Variants in BAIAP3 observed in about 807,000 individuals in gnomAD.
BAIAP3 encodes BAI1-associated protein 3.
In BAIAP3, 180 loss-of-function variants were observed where a neutral mutation model predicts 149.7. The ratio of observed to expected loss-of-function variants is 1.20; its 90% CI spans 1.07 to 1.36. The LOEUF is 1.36. Among genes scored for constraint, BAIAP3 ranks in the 40% most tolerant of loss-of-function variants. BAIAP3 has a pLI of 0.00. For missense variants in BAIAP3, 1,767 were observed against 1,563.4 expected (o/e 1.13, Z -2.20); for synonymous variants, 845 against 670.7 (o/e 1.26, Z -4.02).
At chr16:1,334,673 G>C in intron 1 of BAIAP3, 2 of 1,552,526 alleles carry the variant, frequency 1.3e-6, no homozygotes, top group Non-Finnish European at 1.7e-6. Flanking sequence ...TGAGACCCCG[G>C]GGAGCAGCGT....
In BAIAP3 at chr16:1,346,025, C is replaced by T. The variant is rs143578932; in HGVS notation, c.2248C>T (p.Arg750Trp). The change falls in exon 24 of 34, where the codon CGG (arginine) becomes TGG (tryptophan). Residue 750 changes from arginine to tryptophan, a missense_variant. Physicochemically the swap from Arg to Trp is moderately radical, Grantham distance 101 (BLOSUM62 -3). Coordinates refer to ENST00000426824, the MANE Select transcript of BAIAP3 (RefSeq NM_001199097.2). ...CACCCTCTTCTATACGGAGCTGCTT[C>T]GGAAGAAGGTGGACACTCAGCCAGG... ...EATLFYTELL[R>W]KKVDTQPGAA... 30 of 1,611,330 alleles carry T rather than the reference C, an allele frequency of 1.9e-5. No individual in the cohort carries two copies. In the Admixed American group the frequency reaches 2.3e-4, roughly 13 times the overall value.
chr16:1,339,872 GACAC>G (rs772780964), intron 5 of BAIAP3, among the ~76,000 whole-genome samples: 1 of 119,724 alleles, frequency 8.4e-6, no homozygotes, highest in African/African-American at 3.3e-5. Flanking sequence ...GGTGCACACA[GACAC>G]ACGCACACAG....
chr16:1,346,949 G>C lies in BAIAP3; in HGVS notation c.2745G>C (p.Thr915=). The change falls in exon 28 of 34, where the codon ACG becomes ACC. Residue 915 remains threonine (T), a synonymous_variant. Transcript: ENST00000426824. ...ATTTCTACAGCCGCTTCCATTTCAC[G>C]CTGGAGGTAGAGCTCTGTGAAGGAG... is the stretch of plus-strand genomic sequence containing the variant. ...SADFYSRFHF[T]LEALVSFFHA... 2 of 1,607,680 alleles carry C rather than the reference G, an allele frequency of 1.2e-6. No homozygotes were observed. Among genetic ancestry groups the C allele is most frequent in the South Asian group, 2.2e-5 (2 of 90,378 alleles).
chr16:1,334,170 C>T (rs2033307116), intron 1 of BAIAP3, among the ~76,000 whole-genome samples: 1 of 152,018 alleles, frequency 6.6e-6, no homozygotes, highest in African/African-American at 2.4e-5. Flanking sequence ...CTGCACCCCC[C>T]AGCGTCCTCG....
intron 5 of BAIAP3, among the ~76,000 whole-genome samples, chr16:1,340,651 C>T (rs569716324): frequency 1.3e-5 from 2 of 152,324 alleles, no homozygotes; most frequent in East Asian, 1.9e-4. Context: ...CTCCCGGCTT[C>T]CACCTGCATG....
chr16:1,346,803 G>A lies in BAIAP3; in HGVS notation c.2643-44G>A. The A allele has an allele frequency of 5.0e-5, 19 of 377,236 alleles. 1 individual carries two copies. The highest frequency in any genetic ancestry group is 5.9e-5 in the Non-Finnish European group (15 of 252,344). 23.4% of individuals were successfully genotyped at this position (377,236 alleles called of 1,614,324 possible). A position where few individuals can be genotyped will look rare whatever the true frequency, so the allele number is the denominator to read the frequency against. On this transcript the variant is annotated intron_variant, in intron 27 of 33. Transcript: ENST00000426824. ...AGGCCATTCTGCAGGTGGGGCCAGCGGGGCAGGTGGGGCTGGCCCGTGGTC... is the reference window on the plus strand; with the variant it reads ...AGGCCATTCTGCAGGTGGGGCCAGCAGGGCAGGTGGGGCTGGCCCGTGGTC...
Position 1,345,769 on chromosome 16 carries a change from C to G in BAIAP3, c.2087C>G (p.Ser696Cys). 1 of 1,556,098 alleles carries G rather than the reference C, an allele frequency of 6.4e-7. No individual in the cohort carries two copies. Among genetic ancestry groups the G allele is most frequent in the Non-Finnish European group, 8.6e-7 (1 of 1,157,474 alleles). Residue 696 changes from serine (S) to cysteine (C), a missense_variant, in exon 23 of 34, where the codon TCC becomes TGC. Transcript: ENST00000426824. ...TAGCTGGAGCCCGTGGACGCCTCCT[C>G]CAGGCACAGCAGCTCCGCAGCCACT... is the stretch of plus-strand genomic sequence containing the variant. Reference protein sequence around the residue: ...MDTLEPVDASSRHSSSAATAG... With the variant: ...MDTLEPVDASCRHSSSAATAG...
Position 1,334,907 on chromosome 16 carries a change from C to T in BAIAP3, c.-11+1158C>T, listed in dbSNP as rs9935863. On this transcript the variant is annotated intron_variant, in intron 1 of 33. Coordinates refer to ENST00000426824, the MANE Select transcript of BAIAP3 (RefSeq NM_001199097.2). ...GTGGGGCAGATGTCCTGCCACCTCC[C>T]GCCCCAGGCACACACCCAGGGCACC... The T allele has an allele frequency of 0.025, 18,475 of 734,814 alleles. 2,434 individuals are homozygous for T. In the African/African-American group the frequency reaches 0.29, roughly 11 times the overall value. The allele number at this position is 734,814 out of a possible 1,614,324, so 45.5% of individuals were successfully genotyped here. A position where few individuals can be genotyped will look rare whatever the true frequency, so the allele number is the denominator to read the frequency against.
chr16:1,336,433 G>T, intron 1 of BAIAP3: 1 of 969,830 alleles, frequency 1.0e-6, no homozygotes, highest in African/African-American at 1.8e-5. Flanking sequence ...CCTCTCACAG[G>T]GTGGGAGACG....
At position 1,341,527 on chromosome 16, in the gene BAIAP3, C is replaced by T. The variant is rs763752240; in HGVS notation, c.731+38C>T. On this transcript the variant is annotated intron_variant, in intron 8 of 33. Transcript: ENST00000426824. ...CCCGTCTGGGTGCGGGAGGGGGGCT[C>T]TGCCTGGGGTCCAGAGCTGGGCTGT... The T allele has an allele frequency of 5.1e-6, 8 of 1,583,996 alleles. No individual in the cohort carries two copies. The African/African-American group carries it at 5.4e-5, about 11-fold the overall frequency.
intron 14 of BAIAP3, 67 bp downstream of exon 14, chr16:1,343,083 C>CCA: frequency 6.9e-7 from 1 of 1,454,256 alleles, no homozygotes; most frequent in Non-Finnish European, 9.4e-7. Context: ...GCATCGGGGG[C>CCA]CATGCGGTGA....
At position 1,344,630 on chromosome 16, in the gene BAIAP3, T is replaced by C; in HGVS notation, c.1689T>C (p.Val563=). The C allele has an allele frequency of 6.2e-7, 1 of 1,613,352 alleles. No homozygotes were observed. The highest frequency in any genetic ancestry group is 2.2e-5 in the East Asian group (1 of 44,870). Reference sequence around the variant, plus strand: ...GACCACAGCGCCTGCCTGGGCTGGTTGTGCTGGCTGACGCCGTCTATGATG... The same window carrying C: ...GACCACAGCGCCTGCCTGGGCTGGTCGTGCTGGCTGACGCCGTCTATGATG... ...QPGPQRLPGL[V]VLADAVYDDL... Residue 563 remains valine, a synonymous_variant, in exon 19 of 34, where the codon GTT becomes GTC. Transcript: ENST00000426824.
chr16:1,339,789 C>T (rs2033736291), intron 5 of BAIAP3, among the ~76,000 whole-genome samples, 186 bp downstream of exon 5: 1 of 146,590 alleles, frequency 6.8e-6, no homozygotes, highest in African/African-American at 2.6e-5. Context: ...CAGACACACG[C>T]ACACAGGCTG....
At chr16:1,339,077 C>T (rs1441756914) in intron 3 of BAIAP3, 87 bp from the exon 4 acceptor site, 7 of 1,597,786 alleles carry the variant, frequency 4.4e-6, no homozygotes, top group African/African-American at 1.3e-5. Context: ...CCCTCGCTCC[C>T]ACCTCCTGGG....
intron 1 of BAIAP3, chr16:1,336,507 G>A (rs902164422): frequency 3.1e-5 from 18 of 578,480 alleles, no homozygotes; most frequent in South Asian, 7.6e-5. Context: ...CCCAGGGCTC[G>A]GGGGCTGGCA....
At position 1,340,035 on chromosome 16, in the gene BAIAP3, C is replaced by T. The variant is rs544978680; in HGVS notation, c.408+432C>T. On this transcript the variant is annotated intron_variant, in intron 5 of 33. Transcript: ENST00000426824. ...CAGGCTGCAGGTGCACACAGACACA[C>T]GCACACAGGCTGTAGGTGCACACAG... Among the ~76,000 whole-genome samples, 101 of 143,962 alleles carry T rather than the reference C, an allele frequency of 7.0e-4. 1 individual carries two copies. In the South Asian group the frequency reaches 0.011, roughly 16 times the overall value. The allele number at this position is 143,962 out of a possible 152,430, so 94.4% of individuals were successfully genotyped here.
At chr16:1,345,406 T>A (rs1412833963) in intron 22 of BAIAP3, 34 bp downstream of exon 22, 1 of 1,584,506 alleles carries the variant, frequency 6.3e-7, no homozygotes, top group South Asian at 1.1e-5. Flanking sequence ...ACACTGGGGC[T>A]GGTCCAGGCC....
At chr16:1,337,282 G>A (rs967469079) in intron 1 of BAIAP3, among the ~76,000 whole-genome samples, 5 of 152,214 alleles carry the variant, frequency 3.3e-5, no homozygotes, top group Non-Finnish European at 2.9e-5. Flanking sequence ...TTGGGAGGCC[G>A]AGGCTGGTGG....
Position 1,347,916 on chromosome 16 carries a change from C to G in BAIAP3, c.3048C>G (p.Ile1016Met). 5 of 1,611,984 alleles carry G rather than the reference C, an allele frequency of 3.1e-6. No individual in the cohort carries two copies. Among genetic ancestry groups the G allele is most frequent in the South Asian group, 1.1e-5 (1 of 91,082 alleles). The change falls in exon 32 of 34, where the codon ATC becomes ATG. Residue 1016 changes from isoleucine to methionine, a missense_variant. Physicochemically the swap from Ile to Met is conservative, Grantham distance 10. Coordinates refer to ENST00000426824, the MANE Select transcript of BAIAP3 (RefSeq NM_001199097.2). ...DANGLSDPFV[I>M]VELGPPHLFP... ...CAGGCTTAAGTGACCCCTTTGTGATCGTGGAGCTGGGCCCACCGCATCTCT... is the reference window on the plus strand; with the variant it reads ...CAGGCTTAAGTGACCCCTTTGTGATGGTGGAGCTGGGCCCACCGCATCTCT...
Sources: allele counts gnomAD v4.1 joint callset (sites outside exome capture counted in the v4.1 genomes callset), GRCh38; gene constraint gnomAD v4.1.1; transcripts MANE v1.5; gene names NCBI Gene and HGNC (gene_info 2026-07-23, HGNC 2026-07-21).